The following ECRG4 variants were observed in gnomAD, a reference collection of about 807,000 sequenced individuals.
The protein encoded by ECRG4 is augurin.
ECRG4 carries 18 observed loss-of-function variants against 15.8 expected under a neutral mutation model. The observed-to-expected ratio is 1.14, with a 90% CI of 0.79 to 1.69. The LOEUF is 1.69. Among genes scored for constraint, ECRG4 ranks in the 40% most tolerant of loss-of-function variants. The pLI, the probability that ECRG4 is intolerant of heterozygous loss-of-function variation, is 0.00. For missense variants in ECRG4, 200 were observed against 190.9 expected (o/e 1.05, Z -0.28); for synonymous variants, 82 against 73.9 (o/e 1.11, Z -0.56).
chr2:106,071,667 C>G (rs1676375867), intron 1 of ECRG4, among the ~76,000 whole-genome samples, 177 bp from the exon 2 acceptor site: 1 of 152,186 alleles, frequency 6.6e-6, no homozygotes, highest in African/African-American at 2.4e-5. Context: ...CATGGGCAGC[C>G]TGAATTGTTT....
At chr2:106,073,820 G>T in intron 2 of ECRG4, 66 bp from the exon 3 acceptor site, 1 of 1,583,472 alleles carries the variant, frequency 6.3e-7, no homozygotes, top group Non-Finnish European at 8.6e-7. Context: ...GTATAACAGG[G>T]ATTCACCGCA....
At chr2:106,074,102 G>C in intron 3 of ECRG4, 59 bp downstream of exon 3, 1 of 1,587,568 alleles carries the variant, frequency 6.3e-7, no homozygotes, top group South Asian at 1.1e-5. Context: ...CAGGGAGGAG[G>C]CCTGGCTCGG....
rs566189084 is a variant in ECRG4 at position 106,069,705 on chromosome 2, G to T, written c.80-2139G>T. Among the ~76,000 whole-genome samples the T allele has an allele frequency of 1.5e-4, 23 of 152,202 alleles. No individual in the cohort carries two copies. The South Asian group carries it at 4.8e-3, about 32-fold the overall frequency. On this transcript the variant is annotated intron_variant, in intron 1 of 3. Coordinates refer to ENST00000238044, the MANE Select transcript of ECRG4 (RefSeq NM_032411.3). ...TTCTTCTCATATAACACATGTTTGGGCGCTAGTCCTCTCTGGACACTCTCC... is the reference window on the plus strand; with the variant it reads ...TTCTTCTCATATAACACATGTTTGGTCGCTAGTCCTCTCTGGACACTCTCC...
At chr2:106,070,628 T>G (rs186224837) in intron 1 of ECRG4, among the ~76,000 whole-genome samples, 13 of 152,330 alleles carry the variant, frequency 8.5e-5, no homozygotes, top group Middle Eastern at 6.8e-3. Context: ...AAACATTTAT[T>G]TTTTCCCCCA....
chr2:106,070,684 T>C (rs1404244157), intron 1 of ECRG4: 1 of 208,126 alleles, frequency 4.8e-6, no homozygotes, highest in Non-Finnish European at 1.0e-5. Context: ...ATTCTTAATT[T>C]TATTTGGGTC....
chr2:106,065,995 C>T, intron 1 of ECRG4, 152 bp downstream of exon 1: 2 of 652,298 alleles, frequency 3.1e-6, no homozygotes, highest in African/African-American at 1.9e-5. Flanking sequence ...GGTAGAGGAC[C>T]GGGTCTGGGG....
intron 1 of ECRG4, 104 bp downstream of exon 1, chr2:106,065,947 G>C (rs1676203180): frequency 9.5e-7 from 1 of 1,050,122 alleles, no homozygotes; most frequent in East Asian, 3.2e-5. Flanking sequence ...GGGTGGCGGC[G>C]TAGGGACCCA....
intron 3 of ECRG4, 115 bp from the exon 4 acceptor site, chr2:106,077,650 G>T (rs575651800): frequency 3.8e-5 from 34 of 905,776 alleles, no homozygotes; most frequent in East Asian, 1.7e-4. Context: ...AGTTACTAAG[G>T]GTTGTTAATC....
In ECRG4 at chr2:106,065,788, T is replaced by A. The variant is rs1050918042; in HGVS notation, c.24T>A (p.Pro8=). 10 of 1,484,720 alleles carry A rather than the reference T, an allele frequency of 6.7e-6. No individual in the cohort carries two copies. The African/African-American group carries it at 8.8e-5, about 13-fold the overall frequency. 92.0% of individuals were successfully genotyped at this position (1,484,720 alleles called of 1,614,324 possible). The change falls in exon 1 of 4, where the codon CCT becomes CCA. Residue 8 remains proline, a synonymous_variant. Transcript: ENST00000238044. MAASPAR[P]AVLALTGLAL... The stretch of plus-strand genomic sequence containing the variant: ...CCATGGCTGCCTCCCCCGCGCGGCC[T>A]GCTGTCCTGGCCCTGACCGGGCTGG...
At chr2:106,064,204 C>G (rs1243816183), upstream of ECRG4, 1 of 151,090 alleles carries the variant, frequency 6.6e-6, no homozygotes, top group Non-Finnish European at 1.5e-5. Context: ...CTCTCTGACA[C>G]CCTGGGCAGT....
At position 106,074,082 on chromosome 2, in the gene ECRG4, G is replaced by A. The variant is rs139500691; in HGVS notation, c.285+39G>A. 7.5e-6 allele frequency: 12 copies of A among 1,604,582 alleles called. No homozygotes were observed. The African/African-American group carries it at 1.5e-4, about 20-fold the overall frequency. On this transcript the variant is annotated intron_variant, in intron 3 of 3. Transcript: ENST00000238044. ...CCGGCTGCAGGCCTGGCTTCCACAG[G>A]GAAGGGTGGCAGGGAGGAGGCCTGG...
rs1676432429 is a variant in ECRG4 at position 106,074,103 on chromosome 2, C to A, written c.285+60C>A. 10 of 1,586,460 alleles carry A rather than the reference C, an allele frequency of 6.3e-6. No homozygotes were observed. In the South Asian group the frequency reaches 1.1e-4, roughly 18 times the overall value. Reference sequence around the variant, plus strand: ...ACAGGGAAGGGTGGCAGGGAGGAGGCCTGGCTCGGGGAAATAGGAAGCAGA... The same window carrying A: ...ACAGGGAAGGGTGGCAGGGAGGAGGACTGGCTCGGGGAAATAGGAAGCAGA... On this transcript the variant is annotated intron_variant, in intron 3 of 3. Transcript: ENST00000238044.
upstream of ECRG4, among the ~76,000 whole-genome samples, chr2:106,064,884 T>C (rs1287010072): frequency 6.6e-6 from 1 of 152,130 alleles, no homozygotes; most frequent in Non-Finnish European, 1.5e-5. Context: ...TCCTTTCACG[T>C]GTCCTCTACA....
intron 1 of ECRG4, 94 bp from the exon 2 acceptor site, chr2:106,071,750 C>G: frequency 1.0e-6 from 1 of 961,670 alleles, no homozygotes; most frequent in Non-Finnish European, 1.6e-6. Flanking sequence ...AAGGCAGGGG[C>G]CCGCAGTTCT....
At chr2:106,074,263 A>T (rs1416622744) in intron 3 of ECRG4, 3 of 537,730 alleles carry the variant, frequency 5.6e-6, no homozygotes, top group Non-Finnish European at 9.8e-6. Context: ...AGGAGGCAGA[A>T]CCCACGGCAG....
intron 1 of ECRG4, 105 bp downstream of exon 1, chr2:106,065,948 T>C: frequency 9.6e-7 from 1 of 1,036,878 alleles, no homozygotes; most frequent in Non-Finnish European, 1.3e-6. Context: ...GGTGGCGGCG[T>C]AGGGACCCAT....
chr2:106,077,837 C>G lies in ECRG4; in HGVS notation c.358C>G (p.Gln120Glu). 6.2e-7 allele frequency: 1 copy of G among 1,613,994 alleles called. No individual in the cohort carries two copies. The highest frequency in any genetic ancestry group is 8.5e-7 in the Non-Finnish European group (1 of 1,179,934). ...NGHEYYGDYY[Q>E]RHYDEDSAIG... ...ACATGAATACTATGGCGATTACTAC[C>G]AACGTCACTATGATGAAGACTCTGC... Residue 120 changes from glutamine (Q) to glutamate (E), a missense_variant, in exon 4 of 4, where the codon CAA becomes GAA. Coordinates refer to ENST00000238044, the MANE Select transcript of ECRG4 (RefSeq NM_032411.3).
intron 3 of ECRG4, among the ~76,000 whole-genome samples, chr2:106,075,086 GTACT>G (rs1379360224): frequency 6.6e-6 from 1 of 151,902 alleles, no homozygotes; most frequent in African/African-American, 2.4e-5. Flanking sequence ...ATGATTCTAA[GTACT>G]TAGAGGTACG....
At chr2:106,071,322 T>TAAAAAA (rs10649647) in intron 1 of ECRG4, among the ~76,000 whole-genome samples, 861 of 78,198 alleles carry the variant, frequency 0.011, 13 homozygotes, top group East Asian at 0.017. Flanking sequence ...GGTAAGGCTG[T>TAAAAAA]AAAAAAAAAA....
Sources: gnomAD v4.1 joint callset for allele counts (sites outside exome capture counted in the v4.1 genomes callset) on GRCh38, gnomAD v4.1.1 for gene constraint, MANE v1.5 for transcripts, NCBI Gene and HGNC (gene_info 2026-07-23, HGNC 2026-07-21) for gene names.